The following NTNG2 variants were observed in gnomAD, a reference collection of about 807,000 sequenced individuals.
The protein encoded by NTNG2 is netrin G2, also known as netrin-G2.
Under a neutral mutation model 47.6 loss-of-function variants are expected in NTNG2, and 15 were observed. The observed-to-expected ratio is 0.32, with a 90% CI of 0.21 to 0.49. The LOEUF is 0.49. Among genes scored for constraint, NTNG2 ranks in the 20% least tolerant of loss-of-function variants. NTNG2 has a pLI of 0.99. For synonymous variants in NTNG2, 307 were observed against 324.6 expected, an observed-to-expected ratio of 0.95 and a Z score of 0.58; for missense variants, 578 against 764.6, an observed-to-expected ratio of 0.76 and a Z score of 2.88.
At chr9:132,177,476 C>T (rs927807374) in intron 2 of NTNG2, among the ~76,000 whole-genome samples, 3 of 152,134 alleles carry the variant, frequency 2.0e-5, no homozygotes, top group African/African-American at 7.2e-5. Context: ...ATTTTTGTAT[C>T]TGGTGTAAGG....
rs771895616 is a variant in NTNG2, at chr9:132,241,055, G to A, written c.1357+11G>A. The A allele has an allele frequency of 2.5e-6, 4 of 1,588,938 alleles. No individual in the cohort carries two copies. The highest frequency in any genetic ancestry group is 3.4e-5 in the Admixed American group (2 of 58,458). ...GCCAGGGCTGCTACCGTGAGTGCGC[G>A]CCGTCCCCCGTGGGCGGGGCCTGCG... On this transcript the variant is annotated intron_variant, in intron 7 of 7. Coordinates refer to ENST00000393229, the MANE Select transcript of NTNG2 (RefSeq NM_032536.4).
intron 2 of NTNG2, among the ~76,000 whole-genome samples, chr9:132,184,273 A>G (rs946270141): frequency 1.3e-5 from 2 of 152,188 alleles, no homozygotes; most frequent in African/African-American, 2.4e-5. Context: ...GGCCCCGTCC[A>G]TCGGGTGCTG....
chr9:132,177,920 G>T (rs1002043400), intron 2 of NTNG2, among the ~76,000 whole-genome samples: 1 of 152,186 alleles, frequency 6.6e-6, no homozygotes, highest in African/African-American at 2.4e-5. Flanking sequence ...GCCTCCCAAA[G>T]TGCTGGGATT....
At chr9:132,169,340 G>C (rs1835724403) in intron 2 of NTNG2, among the ~76,000 whole-genome samples, 3 of 152,216 alleles carry the variant, frequency 2.0e-5, no homozygotes, top group African/African-American at 7.2e-5. Context: ...CTTTTGCAGG[G>C]CTGGCTTTTG....
chr9:132,170,438 T>C (rs1589362760), intron 2 of NTNG2, among the ~76,000 whole-genome samples: 2 of 152,090 alleles, frequency 1.3e-5, no homozygotes, highest in South Asian at 4.1e-4. Flanking sequence ...GGCCTGCCCC[T>C]GAGGTCAGCC....
At chr9:132,169,424 G>A (rs553815844) in intron 2 of NTNG2, among the ~76,000 whole-genome samples, 1 of 152,360 alleles carries the variant, frequency 6.6e-6, no homozygotes, top group East Asian at 1.9e-4. Flanking sequence ...GATAGATCTG[G>A]GTTCAAACCC....
Position 132,239,105 on chromosome 9 carries a change from C to T in NTNG2, c.1056C>T (p.Asn352=), listed in dbSNP as rs1374759524. The T allele has an allele frequency of 3.7e-6, 6 of 1,611,146 alleles. No individual in the cohort carries two copies. The East Asian group carries it at 1.3e-4, about 36-fold the overall frequency. Residue 352 remains asparagine, a splice_region_variant and synonymous_variant, in exon 6 of 8, where the codon AAC becomes AAT. Transcript: ENST00000393229. ...NACATAGSFG[N]CECYGHSNRC... ...ATTTCTCCCACTTGGCCGGCCCAGA[C>T]TGCGAATGCTACGGTCACTCCAACC... is the stretch of plus-strand genomic sequence containing the variant.
In NTNG2 at chr9:132,174,568, CA is replaced by C. The variant is rs903318141; in HGVS notation, c.213+7527del. On this transcript the variant is annotated intron_variant, in intron 2 of 7. Coordinates refer to ENST00000393229, the MANE Select transcript of NTNG2 (RefSeq NM_032536.4). ...GACACAACCTCGAAGGACGTGTGTA[CA>C]AATAAGACGAGACCAGGCGTGTGAT... Among the ~76,000 whole-genome samples the C allele has an allele frequency of 3.0e-4, 46 of 152,220 alleles. 1 individual carries two copies. Among genetic ancestry groups the C allele is most frequent in the Non-Finnish European group, 1.0e-4 (7 of 68,020 alleles).
chr9:132,200,580 C>T (rs1245673884), intron 3 of NTNG2, among the ~76,000 whole-genome samples: 1 of 152,202 alleles, frequency 6.6e-6, no homozygotes, highest in Non-Finnish European at 1.5e-5. Context: ...ATGCCTGTGC[C>T]GTGAGGCTGG....
At position 132,188,798 on chromosome 9, in the gene NTNG2, T is replaced by C. The variant is rs757127202; in HGVS notation, c.214-9168T>C. Among the ~76,000 whole-genome samples the C allele has an allele frequency of 3.3e-5, 5 of 152,276 alleles. No homozygotes were observed. In the East Asian group the frequency reaches 9.7e-4, roughly 29 times the overall value. ...TGTGAAGCCAGTGCTAGTAACCTCA[T>C]TGAGCGTTCATTCATTCTCCGAAGA... On this transcript the variant is annotated intron_variant, in intron 2 of 7. Coordinates refer to ENST00000393229, the MANE Select transcript of NTNG2 (RefSeq NM_032536.4).
chr9:132,210,360 G>A (rs1261901302), intron 3 of NTNG2, among the ~76,000 whole-genome samples: 1 of 152,188 alleles, frequency 6.6e-6, no homozygotes, highest in South Asian at 2.1e-4. Flanking sequence ...GAAGGAGTCG[G>A]TATTTTGTCA....
intron 2 of NTNG2, among the ~76,000 whole-genome samples, chr9:132,194,773 A>G (rs1264144697): frequency 6.6e-6 from 1 of 152,224 alleles, no homozygotes; most frequent in African/African-American, 2.4e-5. Context: ...ACCTGCCTCA[A>G]TGAACCGAGG....
At chr9:132,175,948 G>C (rs563647938) in intron 2 of NTNG2, among the ~76,000 whole-genome samples, 1 of 152,256 alleles carries the variant, frequency 6.6e-6, no homozygotes, top group African/African-American at 2.4e-5. Flanking sequence ...AGACAGAGGG[G>C]TCCTAGATGT....
upstream of NTNG2, chr9:132,161,906 CA>C (rs1420155169): frequency 6.6e-6 from 1 of 150,882 alleles, no homozygotes; most frequent in African/African-American, 2.4e-5. The surrounding 1 kb of genome is among the most constrained non-coding windows in gnomAD (Gnocchi z 7.2). Flanking sequence ...CCGGGCCGCC[CA>C]GGGGGGCCAA....
chr9:132,222,712 C>T (rs1840431788), intron 3 of NTNG2, among the ~76,000 whole-genome samples: 1 of 152,170 alleles, frequency 6.6e-6, no homozygotes, highest in Non-Finnish European at 1.5e-5. Flanking sequence ...CCAGGACCTG[C>T]AGGATTCTCT....
chr9:132,234,114 G>A (rs865804885), intron 5 of NTNG2, among the ~76,000 whole-genome samples: 1 of 148,046 alleles, frequency 6.8e-6, no homozygotes, highest in Non-Finnish European at 1.5e-5. Context: ...TGCAACCTCC[G>A]CCCCCCCAGG....
chr9:132,185,297 G>A (rs1837273893), intron 2 of NTNG2, among the ~76,000 whole-genome samples: 1 of 152,178 alleles, frequency 6.6e-6, no homozygotes, highest in Non-Finnish European at 1.5e-5. Context: ...GCCCAGGGCA[G>A]CTCTCAGAGA....
chr9:132,228,414 TG>T (rs1227347939), intron 4 of NTNG2, among the ~76,000 whole-genome samples: 4 of 152,194 alleles, frequency 2.6e-5, no homozygotes, highest in Non-Finnish European at 4.4e-5. Flanking sequence ...CCCATCTCTT[TG>T]TGGTCCAAAC....
At chr9:132,170,709 G>T (rs1369031016) in intron 2 of NTNG2, among the ~76,000 whole-genome samples, 1 of 152,076 alleles carries the variant, frequency 6.6e-6, no homozygotes, top group African/African-American at 2.4e-5. Flanking sequence ...TGACGAGCAG[G>T]TGAGAGAGAG....
Sources: allele counts gnomAD v4.1 joint callset (sites outside exome capture counted in the v4.1 genomes callset), GRCh38; gene constraint gnomAD v4.1.1; non-coding constraint Gnocchi (gnomAD v3.1); transcripts MANE v1.5; gene names NCBI Gene and HGNC (gene_info 2026-07-23, HGNC 2026-07-21).